Variants in PSD3 observed in about 807,000 individuals in gnomAD.
The protein encoded by PSD3 is pleckstrin and Sec7 domain containing 3, also known as PH and SEC7 domain-containing protein 3.
Under a neutral mutation model 105.5 loss-of-function variants are expected in PSD3, and 49 were observed. The observed-to-expected ratio is 0.46, with a 90% CI of 0.37 to 0.59. PSD3 has a LOEUF of 0.59. Among genes scored for constraint, PSD3 ranks in the 20% least tolerant of loss-of-function variants. The pLI is 0.00. For synonymous variants in PSD3, 557 were observed against 457.8 expected, an observed-to-expected ratio of 1.22 and a Z score of -2.77; for missense variants, 1,561 against 1,263.8, an observed-to-expected ratio of 1.24 and a Z score of -3.57.
At chr8:19,009,128 T>C (rs1158778680) in intron 1 of PSD3, among the ~76,000 whole-genome samples, 1 of 152,240 alleles carries the variant, frequency 6.6e-6, no homozygotes, top group Non-Finnish European at 1.5e-5. Context: ...AGAGATCCTT[T>C]TAGACACCCC....
In PSD3 at chr8:18,529,108, T is replaced by A. The variant is rs1799535527; in HGVS notation, c.*6635A>T. On this transcript the variant is annotated 3_prime_UTR_variant, in exon 16 of 16. Transcript: ENST00000327040. ...CAAGCAGCTCTGCCACCTTGGAAAA[T>A]GATGCACACCAGCTTCTGGGACTTC... The A allele has an allele frequency of 6.6e-6, 1 of 152,168 alleles. No individual in the cohort carries two copies. The highest frequency in any genetic ancestry group is 1.5e-5 in the Non-Finnish European group (1 of 68,034). The allele number at this position is 152,168 out of a possible 1,614,324, so 9.4% of individuals were successfully genotyped here. A position where few individuals can be genotyped will look rare whatever the true frequency, so the allele number is the denominator to read the frequency against.
intron 1 of PSD3, among the ~76,000 whole-genome samples, chr8:19,006,941 C>T (rs563527562): frequency 6.6e-6 from 1 of 152,004 alleles, no homozygotes; most frequent in South Asian, 2.1e-4. Context: ...AGGGAACCAC[C>T]TACAGCTTGC....
intron 14 of PSD3, among the ~76,000 whole-genome samples, chr8:18,560,232 A>G (rs998256490): frequency 1.3e-5 from 2 of 151,758 alleles, no homozygotes; most frequent in Non-Finnish European, 2.9e-5. Context: ...AACAACAGCA[A>G]CAACAACAAA....
At chr8:19,003,568 T>C (rs1563501626) in intron 1 of PSD3, among the ~76,000 whole-genome samples, 1 of 151,918 alleles carries the variant, frequency 6.6e-6, no homozygotes, top group Non-Finnish European at 1.5e-5. Context: ...TGGAGATCTG[T>C]GTGACTATGG....
chr8:18,846,609 A>G (rs1476612600), intron 4 of PSD3, among the ~76,000 whole-genome samples: 1 of 152,200 alleles, frequency 6.6e-6, no homozygotes, highest in Non-Finnish European at 1.5e-5. Flanking sequence ...AAATCAGTAC[A>G]CTGACCAAAA....
chr8:18,828,533 G>A (rs1398801966), intron 4 of PSD3, among the ~76,000 whole-genome samples: 3 of 152,080 alleles, frequency 2.0e-5, no homozygotes, highest in African/African-American at 4.8e-5. Context: ...AGGCATGGTG[G>A]CTCATGTCTG....
At chr8:18,896,212 C>T (rs752544690) in intron 2 of PSD3, among the ~76,000 whole-genome samples, 1 of 152,190 alleles carries the variant, frequency 6.6e-6, no homozygotes, top group Admixed American at 6.5e-5. Flanking sequence ...TTTATGCTTT[C>T]ATCTGCTGAT....
At chr8:18,718,242 T>G (rs569129061) in intron 9 of PSD3, among the ~76,000 whole-genome samples, 1 of 152,374 alleles carries the variant, frequency 6.6e-6, no homozygotes, top group African/African-American at 2.4e-5. Flanking sequence ...TTTATTTTAT[T>G]AATTCCTCTA....
chr8:18,616,124 T>C (rs1805642341), intron 11 of PSD3, among the ~76,000 whole-genome samples: 1 of 152,266 alleles, frequency 6.6e-6, no homozygotes, highest in Non-Finnish European at 1.5e-5. Flanking sequence ...GCGAGGGCTC[T>C]GGCTTACCAC....
intron 4 of PSD3, among the ~76,000 whole-genome samples, chr8:18,841,095 T>A (rs1051277663): frequency 2.0e-5 from 3 of 152,196 alleles, no homozygotes; most frequent in Non-Finnish European, 2.9e-5. Context: ...TGATTTCAGT[T>A]GGGTAAAAAT....
chr8:18,946,251 G>A (rs1361599545), intron 1 of PSD3, among the ~76,000 whole-genome samples: 3 of 152,108 alleles, frequency 2.0e-5, no homozygotes, highest in African/African-American at 7.2e-5. Flanking sequence ...GAAGATTCAA[G>A]TCCTAGCATG....
chr8:18,580,235 G>T (rs547032092), intron 12 of PSD3, among the ~76,000 whole-genome samples: 86 of 152,228 alleles, frequency 5.6e-4, no homozygotes, highest in South Asian at 1.0e-3. Context: ...CAGGATGAGT[G>T]ACAGGAGACC....
At chr8:18,748,083 T>C (rs1412525623) in intron 9 of PSD3, among the ~76,000 whole-genome samples, 2 of 151,842 alleles carry the variant, frequency 1.3e-5, no homozygotes, top group Non-Finnish European at 2.9e-5. Context: ...CACCATAACT[T>C]CCCCTTTTAA....
At chr8:19,083,033 T>C (rs1829692088) in intron 1 of PSD3, among the ~76,000 whole-genome samples, 2 of 152,120 alleles carry the variant, frequency 1.3e-5, no homozygotes, top group African/African-American at 2.4e-5. Flanking sequence ...GATGACGCAG[T>C]ACCCCCTCTA....
chr8:18,783,444 TTC>T (rs1222300969), intron 8 of PSD3, among the ~76,000 whole-genome samples: 1 of 152,170 alleles, frequency 6.6e-6, no homozygotes, highest in Non-Finnish European at 1.5e-5. Flanking sequence ...TACTCTTCTA[TTC>T]TCTGTTTAAT....
At chr8:18,885,063 T>G (rs1388982363) in intron 2 of PSD3, among the ~76,000 whole-genome samples, 1 of 152,236 alleles carries the variant, frequency 6.6e-6, no homozygotes, top group Non-Finnish European at 1.5e-5. Context: ...GGTTTCCTTT[T>G]TCAACCAGTG....
chr8:19,056,445 T>G (rs1419353769), intron 1 of PSD3, among the ~76,000 whole-genome samples: 1 of 152,242 alleles, frequency 6.6e-6, no homozygotes, highest in African/African-American at 2.4e-5. Flanking sequence ...AGGCTCCTGA[T>G]GGAAAGCATG....
chr8:19,079,161 G>T (rs562330869), intron 1 of PSD3, among the ~76,000 whole-genome samples: 1 of 152,072 alleles, frequency 6.6e-6, no homozygotes, highest in Non-Finnish European at 1.5e-5. Context: ...AGAGAACGTT[G>T]TCATGGGAAC....
intron 2 of PSD3, among the ~76,000 whole-genome samples, chr8:18,885,929 A>T (rs1818423303): frequency 6.6e-6 from 1 of 152,200 alleles, no homozygotes; most frequent in Non-Finnish European, 1.5e-5. Context: ...GCGTGTTTCC[A>T]GAACATTTTT....
Sources: allele counts gnomAD v4.1 joint callset (sites outside exome capture counted in the v4.1 genomes callset), GRCh38; gene constraint gnomAD v4.1.1; transcripts MANE v1.5; gene names NCBI Gene and HGNC (gene_info 2026-07-23, HGNC 2026-07-21).